Variants in HTT-AS observed in about 807,000 individuals in gnomAD.
HTT-AS encodes HTT antisense RNA (head to head).
At chr4:3,057,386 AGTGT>A (rs1358862876) in intron 2 of HTT-AS, among the ~76,000 whole-genome samples, 1 of 152,122 alleles carries the variant, frequency 6.6e-6, no homozygotes, top group South Asian at 2.1e-4. Flanking sequence ...TCCATGTTGT[AGTGT>A]GTGTCAGAAT....
chr4:3,070,501 G>T (rs556688525), intron 1 of HTT-AS, among the ~76,000 whole-genome samples: 12 of 152,156 alleles, frequency 7.9e-5, no homozygotes, highest in Non-Finnish European at 1.3e-4. Flanking sequence ...TTGTTGGTCA[G>T]GCGGACTTGA....
chr4:3,054,004 C>T (rs1340721065), intron 2 of HTT-AS, among the ~76,000 whole-genome samples: 20 of 152,000 alleles, frequency 1.3e-4, no homozygotes, highest in South Asian at 4.2e-4. Flanking sequence ...ATGATCCCCC[C>T]GCCTCCGCCT....
chr4:3,057,073 G>A (rs373445497), intron 2 of HTT-AS, among the ~76,000 whole-genome samples: 42 of 150,834 alleles, frequency 2.8e-4, no homozygotes, highest in East Asian at 1.4e-3. Context: ...TCGCTCTGTC[G>A]CCCAGGCTGG....
At chr4:3,067,393 A>G (rs543450416) in intron 1 of HTT-AS, among the ~76,000 whole-genome samples, 1 of 152,356 alleles carries the variant, frequency 6.6e-6, no homozygotes, top group South Asian at 2.1e-4. Context: ...GAAAAAAAGA[A>G]ATCCATACTG....
At chr4:3,062,090 C>T (rs7694687) in intron 2 of HTT-AS, among the ~76,000 whole-genome samples, 42,199 of 150,002 alleles carry the variant, frequency 0.28, 7,833 homozygotes, top group African/African-American at 0.54. Flanking sequence ...CTAGCTTGAA[C>T]TTCCCCTTTA....
At chr4:3,047,921 C>G (rs553862996), downstream of HTT-AS, among the ~76,000 whole-genome samples, 28 of 152,336 alleles carry the variant, frequency 1.8e-4, no homozygotes, top group Non-Finnish European at 1.6e-4. Flanking sequence ...TCTCCTCTCT[C>G]TCTCCGCCTC....
chr4:3,073,194 G>C (rs938315534), intron 1 of HTT-AS, among the ~76,000 whole-genome samples: 1 of 152,256 alleles, frequency 6.6e-6, no homozygotes, highest in Non-Finnish European at 1.5e-5. Context: ...CCACAGAGCA[G>C]GGGACTCTGG....
At chr4:3,059,103 G>A (rs531655364) in intron 2 of HTT-AS, among the ~76,000 whole-genome samples, 5 of 152,122 alleles carry the variant, frequency 3.3e-5, no homozygotes, top group Non-Finnish European at 5.9e-5. Flanking sequence ...CAGATGAATC[G>A]TAACCTAGCA....
chr4:3,067,760 G>C (rs1027902782), intron 1 of HTT-AS, among the ~76,000 whole-genome samples: 1 of 152,108 alleles, frequency 6.6e-6, no homozygotes, highest in Non-Finnish European at 1.5e-5. Flanking sequence ...AGAACTTCTG[G>C]AGCTGGTATA....
chr4:3,058,749 T>C (rs1310958688), intron 2 of HTT-AS, among the ~76,000 whole-genome samples: 1 of 152,022 alleles, frequency 6.6e-6, no homozygotes, highest in Non-Finnish European at 1.5e-5. Flanking sequence ...AAATGGGGTC[T>C]TGCTCTGTCA....
chr4:3,067,766 G>T (rs201264181), intron 1 of HTT-AS, among the ~76,000 whole-genome samples: 51 of 152,286 alleles, frequency 3.3e-4, no homozygotes, highest in East Asian at 3.1e-3. Flanking sequence ...TCTGGAGCTG[G>T]TATAGGTAAG....
chr4:3,057,275 T>C (rs183217311), intron 2 of HTT-AS, among the ~76,000 whole-genome samples: 39 of 152,188 alleles, frequency 2.6e-4, no homozygotes, highest in Middle Eastern at 3.4e-3. Context: ...CCTCGTGATC[T>C]GCCCGCCTCG....
chr4:3,057,072 C>T lies in HTT-AS; in HGVS notation n.1380+5362G>A, dbSNP rs555558531. On this transcript the variant is annotated intron_variant and non_coding_transcript_variant, in intron 2 of 2. Coordinates refer to ENST00000664062, the Ensembl canonical transcript of HTT-AS. ...TTTTTGAGGCAGAGTCTCGCTCTGT[C>T]GCCCAGGCTGGAGTGCAGTGGCACA... 2.1e-3 allele frequency among the ~76,000 whole-genome samples: 322 copies of T among 150,896 alleles called. 2 individuals are homozygous for T. Among genetic ancestry groups the T allele is most frequent in the Admixed American group, 4.0e-3 (60 of 15,116 alleles).
intron 1 of HTT-AS, among the ~76,000 whole-genome samples, chr4:3,065,842 A>T (rs1712038094): frequency 1.3e-5 from 2 of 152,222 alleles, no homozygotes; most frequent in African/African-American, 4.8e-5. Flanking sequence ...TCAAAGTTGA[A>T]AATTTGAAGT....
downstream of HTT-AS, among the ~76,000 whole-genome samples, chr4:3,048,718 G>T (rs1209755927): frequency 1.3e-5 from 2 of 152,144 alleles, no homozygotes; most frequent in Non-Finnish European, 2.9e-5. Flanking sequence ...TTTCACAAGG[G>T]AATTGAAAGT....
intron 1 of HTT-AS, among the ~76,000 whole-genome samples, chr4:3,068,361 G>A (rs1346190429): frequency 6.9e-6 from 1 of 144,938 alleles, no homozygotes; most frequent in Non-Finnish European, 1.5e-5. Flanking sequence ...TCTCCTGAAA[G>A]GAAGCAACTG....
intron 1 of HTT-AS, among the ~76,000 whole-genome samples, chr4:3,071,820 G>A (rs1712180036): frequency 6.6e-6 from 1 of 152,198 alleles, no homozygotes; most frequent in South Asian, 2.1e-4. Context: ...AGGACACCAA[G>A]AAAGGCAGCT....
chr4:3,072,184 C>T (rs1441526363), intron 1 of HTT-AS, among the ~76,000 whole-genome samples: 1 of 152,258 alleles, frequency 6.6e-6, no homozygotes, highest in African/African-American at 2.4e-5. Context: ...CCTGAGAGCT[C>T]AGCCGGGGAA....
At chr4:3,058,460 GA>G (rs1291766073) in intron 2 of HTT-AS, among the ~76,000 whole-genome samples, 2 of 152,208 alleles carry the variant, frequency 1.3e-5, no homozygotes, top group African/African-American at 4.8e-5. Context: ...TGAGCTGTGA[GA>G]ACAACCAGAG....
Sources: gnomAD v4.1 joint callset for allele counts (sites outside exome capture counted in the v4.1 genomes callset) on GRCh38, gnomAD v4.1.1 for gene constraint, MANE v1.5 for transcripts, NCBI Gene and HGNC (gene_info 2026-07-23, HGNC 2026-07-21) for gene names.